CLEC17A: variants seen among roughly 807,000 people sequenced by gnomAD.
CLEC17A encodes C-type lectin domain containing 17A.
Under a neutral mutation model 61.3 loss-of-function variants are expected in CLEC17A, and 37 were observed. The observed-to-expected ratio is 0.60, with a 90% CI of 0.46 to 0.79. CLEC17A has a LOEUF of 0.79. Among genes scored for constraint, CLEC17A ranks in the 30% least tolerant of loss-of-function variants. The pLI is 0.00. For missense variants in CLEC17A, 418 were observed against 464.7 expected (o/e 0.90, Z 0.92); for synonymous variants, 168 against 164.9 (o/e 1.02, Z -0.14).
At chr19:14,586,329 G>C (rs1226606460) in intron 2 of CLEC17A, among the ~76,000 whole-genome samples, 1 of 152,058 alleles carries the variant, frequency 6.6e-6, no homozygotes, top group Non-Finnish European at 1.5e-5. Flanking sequence ...TCTCCATGTT[G>C]GTCAGGCTGG....
chr19:14,587,550 C>T, intron 2 of CLEC17A, 64 bp from the exon 3 acceptor site: 1 of 1,491,932 alleles, frequency 6.7e-7, no homozygotes, highest in Non-Finnish European at 9.0e-7. Context: ...GAGGCAGAGA[C>T]CAGGGCTTGA....
chr19:14,601,103 A>T (rs867749741), intron 12 of CLEC17A, among the ~76,000 whole-genome samples: 1 of 150,802 alleles, frequency 6.6e-6, no homozygotes. Context: ...AGGTTTCTCC[A>T]TGTTGGCCAG....
At chr19:14,600,266 G>A in intron 12 of CLEC17A, 84 bp downstream of exon 12, 1 of 1,498,926 alleles carries the variant, frequency 6.7e-7, no homozygotes, top group African/African-American at 1.4e-5. Context: ...CCCTTCCCTG[G>A]ATGGCAAGAA....
At position 14,599,777 on chromosome 19, in the gene CLEC17A, C is replaced by G. The variant is rs1240047942; in HGVS notation, c.707C>G (p.Thr236Ser). The G allele has an allele frequency of 6.2e-7, 1 of 1,613,832 alleles. No individual in the cohort carries two copies. Reference protein sequence around the residue: ...KHDIARVRADTNQSLVELWGL... With the variant: ...KHDIARVRADSNQSLVELWGL... ...GACATTGCCCGTGTAAGAGCTGACA[C>G]CAACCAGTCCCTGGTGGAACTTTGG... Residue 236 changes from threonine (T) to serine (S), a missense_variant, in exon 11 of 14, where the codon ACC (threonine) becomes AGC (serine). Thr to Ser is a moderately conservative substitution (Grantham distance 58, BLOSUM62 1). Transcript: ENST00000417570.
intron 12 of CLEC17A, among the ~76,000 whole-genome samples, chr19:14,605,377 T>C (rs2074834445): frequency 6.7e-6 from 1 of 148,758 alleles, no homozygotes; most frequent in South Asian, 2.4e-4. Context: ...ATTACAGGCA[T>C]GAGCCACCGC....
intron 4 of CLEC17A, among the ~76,000 whole-genome samples, chr19:14,592,585 G>A (rs970204285): frequency 6.6e-5 from 10 of 152,186 alleles, no homozygotes; most frequent in Non-Finnish European, 1.5e-4. Flanking sequence ...CAGGAGATTG[G>A]CAAAATCCTT....
At chr19:14,584,535 C>T (rs930648992) in intron 2 of CLEC17A, 1 of 152,104 alleles carries the variant, frequency 6.6e-6, no homozygotes, top group African/African-American at 2.4e-5. Flanking sequence ...GTCCTGGTGA[C>T]CTTAGACAGG....
rs745503071 is a variant in CLEC17A at position 14,597,087 on chromosome 19, T to C, written c.584-12T>C. ...AGGAGGACCTGGGCTCAATTTGGAC[T>C]CTTCTTCATAGACCAGGAGTTGATG... On this transcript the variant is annotated splice_polypyrimidine_tract_variant and intron_variant, in intron 9 of 13. Coordinates refer to ENST00000417570, the MANE Select transcript of CLEC17A (RefSeq NM_001204118.2). The C allele has an allele frequency of 6.2e-7, 1 of 1,613,026 alleles. No individual in the cohort carries two copies. The highest frequency in any genetic ancestry group is 8.5e-7 in the Non-Finnish European group (1 of 1,179,498).
intron 7 of CLEC17A, 30 bp from the exon 8 acceptor site, chr19:14,595,244 T>C: frequency 6.2e-7 from 1 of 1,613,454 alleles, no homozygotes; most frequent in Non-Finnish European, 8.5e-7. Flanking sequence ...TGGCATCTTC[T>C]GAATAAACCT....
At chr19:14,601,003 A>AGCGATTGTCCT (rs1300380084) in intron 12 of CLEC17A, among the ~76,000 whole-genome samples, 1 of 147,114 alleles carries the variant, frequency 6.8e-6, no homozygotes, top group African/African-American at 2.6e-5. Flanking sequence ...CCCGGGTTCA[A>AGCGATTGTCCT]GCAATTCTAG....
At chr19:14,586,527 A>G (rs2074285154) in intron 2 of CLEC17A, among the ~76,000 whole-genome samples, 2 of 152,142 alleles carry the variant, frequency 1.3e-5, no homozygotes, top group South Asian at 4.2e-4. Flanking sequence ...AGCTCAAGCA[A>G]TCCTCCCACC....
At chr19:14,591,028 C>G (rs71334728) in intron 3 of CLEC17A, among the ~76,000 whole-genome samples, 14 of 151,960 alleles carry the variant, frequency 9.2e-5, no homozygotes, top group South Asian at 2.1e-4. Context: ...GGTTTATTGT[C>G]TCTCTGGTCT....
chr19:14,588,170 A>C (rs974983087), intron 3 of CLEC17A, among the ~76,000 whole-genome samples: 1 of 151,922 alleles, frequency 6.6e-6, no homozygotes, highest in African/African-American at 2.4e-5. Context: ...AGGGTCCAAC[A>C]GGAGACTGAT....
In CLEC17A at chr19:14,590,548, C is replaced by T. The variant is rs573943982; in HGVS notation, c.200-1733C>T. On this transcript the variant is annotated intron_variant, in intron 3 of 13. Transcript: ENST00000417570. ...GATTACAGGCATGTGCCACCGTGCC[C>T]GGCTAATTTTGTATTTTTAGAAAAG... Among the ~76,000 whole-genome samples the T allele has an allele frequency of 6.4e-4, 98 of 152,108 alleles. 1 individual carries two copies. In the Middle Eastern group the frequency reaches 0.027, roughly 42 times the overall value.
chr19:14,594,041 G>C (rs2074486465), intron 4 of CLEC17A, among the ~76,000 whole-genome samples: 1 of 151,994 alleles, frequency 6.6e-6, no homozygotes, highest in Admixed American at 6.6e-5. Context: ...CCAGCACTTT[G>C]GGAGGCCAAG....
At chr19:14,599,079 CTTTTTTTTTT>C (rs796835309) in intron 10 of CLEC17A, among the ~76,000 whole-genome samples, 88 of 56,944 alleles carry the variant, frequency 1.5e-3, no homozygotes, top group Non-Finnish European at 2.2e-3. Flanking sequence ...TGTATCTTTG[CTTTTTTTTTT>C]TTTTTTTTTT....
At chr19:14,609,238 G>T (rs1375644114) in intron 13 of CLEC17A, among the ~76,000 whole-genome samples, 1 of 152,158 alleles carries the variant, frequency 6.6e-6, no homozygotes, top group Non-Finnish European at 1.5e-5. Context: ...GAGAAGCCTG[G>T]ACCCCTTGTG....
chr19:14,592,453 C>T (rs1011044383), intron 4 of CLEC17A, 95 bp downstream of exon 4: 10 of 1,567,682 alleles, frequency 6.4e-6, no homozygotes, highest in Non-Finnish European at 8.6e-6. Flanking sequence ...AGTCAGTCTC[C>T]TCTGTATCCA....
chr19:14,585,380 C>T (rs1308739015), intron 2 of CLEC17A, among the ~76,000 whole-genome samples: 1 of 152,260 alleles, frequency 6.6e-6, no homozygotes, highest in Non-Finnish European at 1.5e-5. Context: ...ATATGACTCT[C>T]AGGGCCTGTA....
Sources: allele counts gnomAD v4.1 joint callset (sites outside exome capture counted in the v4.1 genomes callset), GRCh38; gene constraint gnomAD v4.1.1; transcripts MANE v1.5; gene names NCBI Gene and HGNC (gene_info 2026-07-23, HGNC 2026-07-21).